The following MIGA1 variants were observed in gnomAD, a reference collection of about 807,000 sequenced individuals.
MIGA1 encodes the protein mitoguardin 1, also known as family with sequence similarity 73, member A.
A neutral mutation model predicts 82.0 loss-of-function variants in MIGA1; 58 were observed. That is an observed-to-expected ratio of 0.71 (90% CI 0.57 to 0.88). The LOEUF (loss-of-function observed/expected upper bound fraction) is 0.88, where lower values mean the gene tolerates loss of function less well. Among genes scored for constraint, MIGA1 ranks in the 40% least tolerant of loss-of-function variants. The probability of loss-of-function intolerance (pLI) is 0.00; values close to 1 mark genes in which losing one functional copy is unlikely to be tolerated. For synonymous variants in MIGA1, 249 were observed against 253.6 expected (o/e 0.98, Z 0.17); for missense variants, 751 against 749.1 (o/e 1.00, Z -0.03).
chr1:77,800,960 G>GT (rs879776712), intron 2 of MIGA1, among the ~76,000 whole-genome samples: 2 of 151,908 alleles, frequency 1.3e-5, no homozygotes, highest in East Asian at 3.8e-4. Context: ...TTTCCAGATA[G>GT]TTTTTTTTAA....
At position 77,792,846 on chromosome 1, in the gene MIGA1, T is replaced by C. The variant is rs997770290; in HGVS notation, c.196-8485T>C. 2.7e-5 allele frequency among the ~76,000 whole-genome samples: 4 copies of C among 150,286 alleles called. No individual in the cohort carries two copies. In the Admixed American group the frequency reaches 2.7e-4, roughly 10 times the overall value. The stretch of plus-strand genomic sequence containing the variant: ...CCTTGTAGCCCAGGCTGGAGTGCAG[T>C]GGCGCGATCTCAGCTCACTGCAACC... On this transcript the variant is annotated intron_variant, in intron 2 of 15. Coordinates refer to ENST00000370791, the MANE Select transcript of MIGA1 (RefSeq NM_198549.4).
rs1684871666 is a variant in MIGA1, at chr1:77,847,096, T to C, written c.996+3689T>C. ...CAACAGTAGGGCCACGTTCAGTAGA[T>C]ATGGGAACAAGATGGTGATTCTGGG... On this transcript the variant is annotated intron_variant, in intron 8 of 15. Transcript: ENST00000370791. The C allele has an allele frequency of 8.6e-6, 7 of 816,600 alleles. No homozygotes were observed. The Middle Eastern group carries it at 1.7e-3, about 195-fold the overall frequency. 50.6% of individuals were successfully genotyped at this position (816,600 alleles called of 1,614,324 possible). A position where few individuals can be genotyped will look rare whatever the true frequency, so the allele number is the denominator to read the frequency against.
intron 8 of MIGA1, among the ~76,000 whole-genome samples, chr1:77,853,121 A>G (rs1685116246): frequency 6.6e-6 from 1 of 152,242 alleles, no homozygotes; most frequent in Non-Finnish European, 1.5e-5. Flanking sequence ...CTAGAATCAT[A>G]GCGTAGACAT....
chr1:77,840,153 A>T (rs934422558), intron 7 of MIGA1, among the ~76,000 whole-genome samples: 1 of 152,216 alleles, frequency 6.6e-6, no homozygotes. Flanking sequence ...TATCTAAGAA[A>T]CAGAAGTATT....
intron 1 of MIGA1, chr1:77,779,965 C>T: frequency 7.5e-7 from 1 of 1,333,720 alleles, no homozygotes. Context: ...AGGGTCGGGC[C>T]TGGTTAGTAC....
In MIGA1 at chr1:77,807,077, A is replaced by G. The variant is rs1248259925; in HGVS notation, c.613A>G (p.Thr205Ala). ...TAAACTTGTTAATATTCCTGTGACT[A>G]CTCCAGAGAACTTATACTTAATGGG... The change falls in exon 5 of 16, where the codon ACT becomes GCT. Residue 205 changes from threonine (T) to alanine (A), a missense_variant. Thr to Ala is a moderately conservative substitution (Grantham distance 58). Around this residue, in one of 3 missense-constraint regions of MIGA1, gnomAD observed 482 missense variants for 439.4 expected, o/e 1.10. Transcript: ENST00000370791. 2 of 1,590,162 alleles carry G rather than the reference A, an allele frequency of 1.3e-6. No individual in the cohort carries two copies. Among genetic ancestry groups the G allele is most frequent in the Non-Finnish European group, 1.7e-6 (2 of 1,160,522 alleles).
chr1:77,789,756 T>C (rs1168706727), intron 2 of MIGA1, among the ~76,000 whole-genome samples: 1 of 151,954 alleles, frequency 6.6e-6, no homozygotes, highest in Non-Finnish European at 1.5e-5. Flanking sequence ...TAATCCTTGC[T>C]ATCTAGTATA....
chr1:77,825,161 C>T (rs1280859486), intron 7 of MIGA1, among the ~76,000 whole-genome samples: 1 of 151,698 alleles, frequency 6.6e-6, no homozygotes, highest in Non-Finnish European at 1.5e-5. Context: ...CGTGCCCCAC[C>T]ACACCTGGCT....
chr1:77,808,045 C>T (rs1683171085), intron 5 of MIGA1, among the ~76,000 whole-genome samples: 1 of 151,924 alleles, frequency 6.6e-6, no homozygotes. Flanking sequence ...GTCTTGAACT[C>T]CTGAGCTCAG....
At position 77,878,852 on chromosome 1, in the gene MIGA1, C is replaced by G. The variant is rs1490518580; in HGVS notation, c.*3788C>G. 2 of 375,412 alleles carry G rather than the reference C, an allele frequency of 5.3e-6. No homozygotes were observed. Among genetic ancestry groups the G allele is most frequent in the Non-Finnish European group, 9.5e-6 (2 of 210,232 alleles). The allele number at this position is 375,412 out of a possible 1,614,324, so 23.3% of individuals were successfully genotyped here. A position where few individuals can be genotyped will look rare whatever the true frequency, so the allele number is the denominator to read the frequency against. On this transcript the variant is annotated 3_prime_UTR_variant, in exon 16 of 16. Transcript: ENST00000370791. The stretch of plus-strand genomic sequence containing the variant: ...CACAGTAAGCTCCAAAGAACTTTGT[C>G]TTTCTCATAAAGTAATATTCTTTAT...
chr1:77,822,032 T>G (rs1683832720), intron 7 of MIGA1, among the ~76,000 whole-genome samples: 1 of 151,992 alleles, frequency 6.6e-6, no homozygotes, highest in Non-Finnish European at 1.5e-5. Flanking sequence ...AAATCTTACC[T>G]TACACACCAC....
At chr1:77,820,207 T>C (rs1159390254) in intron 7 of MIGA1, among the ~76,000 whole-genome samples, 2 of 152,008 alleles carry the variant, frequency 1.3e-5, no homozygotes, top group Non-Finnish European at 2.9e-5. Context: ...CTAGGCAGAT[T>C]TCACACATTT....
chr1:77,813,634 T>C, intron 5 of MIGA1, 100 bp from the exon 6 acceptor site: 1 of 1,244,634 alleles, frequency 8.0e-7, no homozygotes, highest in Non-Finnish European at 1.1e-6. Flanking sequence ...AAAATTAGAC[T>C]GTGACATCAG....
chr1:77,847,169 C>A, intron 8 of MIGA1: 4 of 1,279,220 alleles, frequency 3.1e-6, no homozygotes, highest in Non-Finnish European at 4.6e-6. Context: ...CAGTTGCATC[C>A]TGTTTTGCAA....
intron 7 of MIGA1, among the ~76,000 whole-genome samples, chr1:77,820,046 T>C (rs186437317): frequency 6.6e-6 from 1 of 152,058 alleles, no homozygotes; most frequent in East Asian, 1.9e-4. Context: ...GCCTGGAAAT[T>C]CCACAGCTGA....
At chr1:77,786,962 G>C (rs1254026071) in intron 2 of MIGA1, among the ~76,000 whole-genome samples, 1 of 152,182 alleles carries the variant, frequency 6.6e-6, no homozygotes, top group African/African-American at 2.4e-5. Flanking sequence ...AGACATACCT[G>C]AGACTGGGCA....
intron 7 of MIGA1, among the ~76,000 whole-genome samples, chr1:77,822,039 C>G (rs184178360): frequency 2.4e-4 from 36 of 151,840 alleles, no homozygotes; most frequent in Non-Finnish European, 5.9e-5. Flanking sequence ...ACCTTACACA[C>G]CACACACACA....
chr1:77,785,400 A>G (rs920781412), intron 2 of MIGA1, among the ~76,000 whole-genome samples: 10 of 151,782 alleles, frequency 6.6e-5, no homozygotes, highest in African/African-American at 1.9e-4. Context: ...CTGAAGTGCA[A>G]TGGTACAATC....
intron 2 of MIGA1, among the ~76,000 whole-genome samples, chr1:77,787,501 G>A (rs956866694): frequency 4.0e-5 from 6 of 149,782 alleles, no homozygotes; most frequent in Non-Finnish European, 5.9e-5. Context: ...AATTCTCCCT[G>A]CCTTAGCCTC....
Sources: allele counts gnomAD v4.1 joint callset (sites outside exome capture counted in the v4.1 genomes callset), GRCh38; gene constraint gnomAD v4.1.1; regional missense constraint gnomAD v4.1.1; transcripts MANE v1.5; gene names NCBI Gene and HGNC (gene_info 2026-07-23, HGNC 2026-07-21).